The following WASHC4 variants were observed in gnomAD, a reference collection of about 807,000 sequenced individuals.
The protein encoded by WASHC4 is WASH complex subunit 7.
A neutral mutation model predicts 166.6 loss-of-function variants in WASHC4; 86 were observed. The ratio of observed to expected loss-of-function variants is 0.52; its 90% confidence interval spans 0.43 to 0.62. The LOEUF is 0.62. Among genes scored for constraint, WASHC4 ranks in the 20% least tolerant of loss-of-function variants. WASHC4 has a pLI of 0.00. For missense variants in WASHC4, 1,262 were observed against 1,382.4 expected, an observed-to-expected ratio of 0.91 and a Z score of 1.38; for synonymous variants, 446 against 451.6, an observed-to-expected ratio of 0.99 and a Z score of 0.16.
intron 32 of WASHC4, among the ~76,000 whole-genome samples, chr12:105,165,652 A>G (rs1436160440): frequency 6.6e-6 from 1 of 152,178 alleles, no homozygotes; most frequent in African/African-American, 2.4e-5. Context: ...TTTTTAAAAT[A>G]CACCTTTTTT....
chr12:105,121,183 AC>A lies in WASHC4; in HGVS notation c.646del (p.His216ThrfsTer9). Reference protein sequence around the residue: ...EIIDNHITLKDHWTMYKRLLK... With the variant: ...EIIDNHITLKXHWTMYKRLLK... ...ATTGATAATCATATCACACTGAAAG[AC>A]CACTGGACTATGTACAAAAGGTACA... On this transcript the variant is annotated frameshift_variant, in exon 9 of 33. Coordinates refer to ENST00000332180, the MANE Select transcript of WASHC4 (RefSeq NM_015275.3). LOFTEE classifies it high-confidence loss of function. The A allele has an allele frequency of 6.3e-7, 1 of 1,593,786 alleles. No homozygotes were observed. The highest frequency in any genetic ancestry group is 8.6e-7 in the Non-Finnish European group (1 of 1,162,078).
At chr12:105,165,561 G>A (rs928563500) in intron 32 of WASHC4, among the ~76,000 whole-genome samples, 17 of 151,918 alleles carry the variant, frequency 1.1e-4, no homozygotes, top group African/African-American at 2.2e-4. Flanking sequence ...TGTCTTACTC[G>A]TGCTTCATGA....
intron 29 of WASHC4, among the ~76,000 whole-genome samples, chr12:105,161,390 A>ACTG (rs1884486824): frequency 6.6e-6 from 1 of 152,208 alleles, no homozygotes; most frequent in African/African-American, 2.4e-5. Context: ...ATAGTGTCAA[A>ACTG]CTGGAGGGAG....
At chr12:105,111,327 A>G (rs1879662883) in intron 2 of WASHC4, 63 bp downstream of exon 2, 5 of 1,074,788 alleles carry the variant, frequency 4.7e-6, no homozygotes, top group South Asian at 1.5e-5. Flanking sequence ...TCCTGAAAAC[A>G]TAATTTTTTA....
chr12:105,153,486 G>A (rs1883922976), intron 26 of WASHC4, among the ~76,000 whole-genome samples: 4 of 152,144 alleles, frequency 2.6e-5, no homozygotes, highest in Admixed American at 2.0e-4. Context: ...TCAATATTAA[G>A]TATTGTCAAA....
intron 26 of WASHC4, among the ~76,000 whole-genome samples, chr12:105,152,823 A>G (rs900206794): frequency 5.3e-5 from 8 of 152,214 alleles, no homozygotes; most frequent in Non-Finnish European, 1.0e-4. Flanking sequence ...GTGAAGGTAT[A>G]AAATATTTAC....
At chr12:105,118,335 C>A in intron 6 of WASHC4, 111 bp from the exon 7 acceptor site, 3 of 799,328 alleles carry the variant, frequency 3.8e-6, no homozygotes, top group East Asian at 2.6e-5. Flanking sequence ...TAACTGGAGG[C>A]TTTATTGGAA....
intron 15 of WASHC4, 51 bp from the exon 16 acceptor site, chr12:105,140,243 G>A (rs1882713352): frequency 7.7e-7 from 1 of 1,301,082 alleles, no homozygotes; most frequent in South Asian, 1.2e-5. Flanking sequence ...CTATAATTTT[G>A]CCTGAAATTT....
At chr12:105,146,650 C>T in intron 23 of WASHC4, 124 bp downstream of exon 23, 2 of 660,268 alleles carry the variant, frequency 3.0e-6, no homozygotes, top group Non-Finnish European at 2.7e-6. Context: ...TTTTCGAGGC[C>T]TTGTTTATTT....
chr12:105,162,189 A>G (rs551589849), intron 29 of WASHC4, among the ~76,000 whole-genome samples: 3 of 152,352 alleles, frequency 2.0e-5, no homozygotes, highest in East Asian at 1.9e-4. Flanking sequence ...AATAAAAGAT[A>G]TGATTAGATA....
chr12:105,120,665 G>A, intron 8 of WASHC4, 68 bp downstream of exon 8: 1 of 1,100,290 alleles, frequency 9.1e-7, no homozygotes, highest in Non-Finnish European at 1.4e-6. Flanking sequence ...AGTTTGTATG[G>A]TTGGAGAGTA....
chr12:105,120,449 ATAAATAT>A (rs1880622158), intron 7 of WASHC4, 99 bp from the exon 8 acceptor site: 1 of 711,254 alleles, frequency 1.4e-6, no homozygotes, highest in Non-Finnish European at 2.5e-6. Flanking sequence ...CTTAATAAAG[ATAAATAT>A]TAAAATTCCA....
In WASHC4 at chr12:105,168,814, G is replaced by A. The variant is rs1884936641; in HGVS notation, c.*1883G>A. 2 of 152,058 alleles carry A rather than the reference G, an allele frequency of 1.3e-5. No homozygotes were observed. Among genetic ancestry groups the A allele is most frequent in the South Asian group, 2.1e-4 (1 of 4,814 alleles). 9.4% of individuals were successfully genotyped at this position (152,058 alleles called of 1,614,324 possible). On this transcript the variant is annotated 3_prime_UTR_variant, in exon 33 of 33. Transcript: ENST00000332180. ...ATGGTGTCAAACTGCAGAGCAACAG[G>A]GCTTCAGTATATTCACATCTAATAG... is the stretch of plus-strand genomic sequence containing the variant.
chr12:105,112,653 T>C (rs1879806927), intron 2 of WASHC4, among the ~76,000 whole-genome samples: 1 of 152,204 alleles, frequency 6.6e-6, no homozygotes, highest in South Asian at 2.1e-4. Context: ...TTCTGATGGC[T>C]AATAATGTTG....
At chr12:105,108,114 C>A (rs1356437335) in intron 1 of WASHC4, among the ~76,000 whole-genome samples, 2 of 152,178 alleles carry the variant, frequency 1.3e-5, no homozygotes, top group African/African-American at 2.4e-5. Flanking sequence ...GCCTGCGGTG[C>A]CCCGCGGGGA....
intron 26 of WASHC4, among the ~76,000 whole-genome samples, chr12:105,154,088 T>C (rs991726481): frequency 1.3e-5 from 2 of 151,682 alleles, no homozygotes; most frequent in Admixed American, 6.6e-5. Context: ...TGGAGTGCAG[T>C]GGCATGTTCT....
Position 105,149,737 on chromosome 12 carries a change from A to G in WASHC4, c.2637A>G (p.Gln879=). ...GATTTTTCAGGGAAATTAAGGACCAAAATGATCATAAGGTAGGCTACCTAT... is the reference window on the plus strand; with the variant it reads ...GATTTTTCAGGGAAATTAAGGACCAGAATGATCATAAGGTAGGCTACCTAT... ...DIRFFREIKD[Q]NDHKYPFDRA... is the part of the protein sequence containing the mutation. The change falls in exon 25 of 33, where the codon CAA becomes CAG. Residue 879 remains glutamine (Q), a synonymous_variant. Coordinates refer to ENST00000332180, the MANE Select transcript of WASHC4 (RefSeq NM_015275.3). 2 of 1,596,928 alleles carry G rather than the reference A, an allele frequency of 1.3e-6. No individual in the cohort carries two copies. Among genetic ancestry groups the G allele is most frequent in the African/African-American group, 2.7e-5 (2 of 74,706 alleles).
Position 105,132,498 on chromosome 12 carries a change from A to G in WASHC4, c.1200-1272A>G, listed in dbSNP as rs1881928591. Among the ~76,000 whole-genome samples, 3 of 152,350 alleles carry G rather than the reference A, an allele frequency of 2.0e-5. No individual in the cohort carries two copies. The South Asian group carries it at 6.2e-4, about 32-fold the overall frequency. ...CATACTAAGTTTTTTAAAGAAAAGT[A>G]TAGCTTAAACAGCTTGTGAATGTAA... On this transcript the variant is annotated intron_variant, in intron 13 of 32. Coordinates refer to ENST00000332180, the MANE Select transcript of WASHC4 (RefSeq NM_015275.3).
chr12:105,146,448 G>A lies in WASHC4; in HGVS notation c.2335-4G>A, dbSNP rs2135806396. 1 of 1,534,150 alleles carries A rather than the reference G, an allele frequency of 6.5e-7. No individual in the cohort carries two copies. The highest frequency in any genetic ancestry group is 9.0e-7 in the Non-Finnish European group (1 of 1,107,702). On this transcript the variant is annotated splice_polypyrimidine_tract_variant and splice_region_variant and intron_variant, in intron 22 of 32. Coordinates refer to ENST00000332180, the MANE Select transcript of WASHC4 (RefSeq NM_015275.3). ...ATAAAACTTGTATGTGTATTATGTTGTAGGGCCTTGATGTTTTAGAAATTA... is the reference window on the plus strand; with the variant it reads ...ATAAAACTTGTATGTGTATTATGTTATAGGGCCTTGATGTTTTAGAAATTA...
Sources: allele counts gnomAD v4.1 joint callset (sites outside exome capture counted in the v4.1 genomes callset), GRCh38; gene constraint gnomAD v4.1.1; transcripts MANE v1.5; gene names NCBI Gene and HGNC (gene_info 2026-07-23, HGNC 2026-07-21).